SYNJ2BP: variants seen among roughly 807,000 people sequenced by gnomAD.
The protein encoded by SYNJ2BP is synaptojanin 2 binding protein.
A neutral mutation model predicts 16.9 loss-of-function variants in SYNJ2BP; 10 were observed. The observed-to-expected ratio is 0.59, with a 90% confidence interval of 0.36 to 1.00. The LOEUF is 1.00. Among genes scored for constraint, SYNJ2BP ranks in the 50% least tolerant of loss-of-function variants. SYNJ2BP has a pLI of 0.01. For missense variants in SYNJ2BP, 162 were observed against 186.7 expected (o/e 0.87, Z 0.77); for synonymous variants, 54 against 68.4 (o/e 0.79, Z 1.04).
At chr14:70,384,489 CA>C (rs148519921) in intron 2 of SYNJ2BP, among the ~76,000 whole-genome samples, 132,545 of 151,830 alleles carry the variant, frequency 0.87, 57,914 homozygotes, top group East Asian at 0.93. Flanking sequence ...AATACGATGT[CA>C]CGGGTAAGTG....
intron 1 of SYNJ2BP, among the ~76,000 whole-genome samples, chr14:70,400,922 T>G (rs116648811): frequency 6.6e-6 from 1 of 152,210 alleles, no homozygotes; most frequent in African/African-American, 2.4e-5. Flanking sequence ...AGCAGGCAAG[T>G]TGAAGAATTT....
At chr14:70,407,583 T>C (rs1018368460) in intron 1 of SYNJ2BP, among the ~76,000 whole-genome samples, 1 of 152,164 alleles carries the variant, frequency 6.6e-6, no homozygotes, top group African/African-American at 2.4e-5. Flanking sequence ...CTTTTTCTAC[T>C]ATTTCCTATG....
intron 2 of SYNJ2BP, among the ~76,000 whole-genome samples, chr14:70,376,977 T>G (rs116211839): frequency 0.017 from 2,567 of 152,326 alleles, 74 homozygotes; most frequent in African/African-American, 0.057. Context: ...AGTTGGTGAA[T>G]GAATCTACCA....
At chr14:70,378,571 T>C (rs1161162125) in intron 2 of SYNJ2BP, among the ~76,000 whole-genome samples, 1 of 151,840 alleles carries the variant, frequency 6.6e-6, no homozygotes, top group Non-Finnish European at 1.5e-5. Flanking sequence ...GGATTATAGG[T>C]GTGAGACATT....
chr14:70,385,804 CAT>C (rs1887847825), intron 2 of SYNJ2BP, among the ~76,000 whole-genome samples: 1 of 152,122 alleles, frequency 6.6e-6, no homozygotes, highest in Non-Finnish European at 1.5e-5. Context: ...AACAGTATAA[CAT>C]AGTGGTTTAA....
rs911011220 is a variant in SYNJ2BP at position 70,367,849 on chromosome 14, A to T, written c.*5142T>A. 1.3e-5 allele frequency: 2 copies of T among 152,112 alleles called. No homozygotes were observed. Among genetic ancestry groups the T allele is most frequent in the Non-Finnish European group, 2.9e-5 (2 of 68,020 alleles). 9.4% of individuals were successfully genotyped at this position (152,112 alleles called of 1,614,324 possible). ...CAAAATCACCTACAAATATTCCTCC[A>T]CTTTCATATGCTGAGCAATTTCAGC... On this transcript the variant is annotated 3_prime_UTR_variant, in exon 4 of 4. Transcript: ENST00000256366.
chr14:70,382,502 G>C (rs1887774202), intron 2 of SYNJ2BP, among the ~76,000 whole-genome samples: 1 of 152,198 alleles, frequency 6.6e-6, no homozygotes. Flanking sequence ...TCATAATGCA[G>C]AGTTTGATTC....
rs900441146 is a variant in SYNJ2BP, at chr14:70,370,428, C to T, written c.*2563G>A. 6.6e-6 allele frequency: 1 copy of T among 152,164 alleles called. No individual in the cohort carries two copies. The highest frequency in any genetic ancestry group is 2.4e-5 in the African/African-American group (1 of 41,452). The allele number at this position is 152,164 out of a possible 1,614,324, so 9.4% of individuals were successfully genotyped here. On this transcript the variant is annotated 3_prime_UTR_variant, in exon 4 of 4. Coordinates refer to ENST00000256366, the MANE Select transcript of SYNJ2BP (RefSeq NM_018373.3). ...TGTCCGTGTTTTTCTGTGGAACCTA[C>T]AATGAGTCCAGTTGTCTAAGTGAGT... is the stretch of plus-strand genomic sequence containing the variant.
Position 70,388,567 on chromosome 14 carries a change from T to A in SYNJ2BP, c.104A>T (p.Tyr35Phe). The A allele has an allele frequency of 6.3e-7, 1 of 1,595,042 alleles. No individual in the cohort carries two copies. The highest frequency in any genetic ancestry group is 1.1e-5 in the South Asian group (1 of 87,674). The part of the protein sequence containing the change: ...FNIVGGTDQQ[Y>F]VSNDSGIYVS... ...GTAGATGCCACTGTCGTTGGAGACA[T>A]ACTGCTGATCTGTCCCACCGACGAT... The change falls in exon 2 of 4, where the codon TAT becomes TTT. Residue 35 changes from tyrosine (Y) to phenylalanine (F), a missense_variant. Tyr to Phe is a conservative substitution (Grantham distance 22). Coordinates refer to ENST00000256366, the MANE Select transcript of SYNJ2BP (RefSeq NM_018373.3).
intron 2 of SYNJ2BP, among the ~76,000 whole-genome samples, chr14:70,379,941 A>C (rs1434731083): frequency 6.6e-6 from 1 of 152,236 alleles, no homozygotes; most frequent in Non-Finnish European, 1.5e-5. Context: ...TAACTGGGTC[A>C]CTATATTAAA....
chr14:70,384,653 TAGTG>T (rs1458700626), intron 2 of SYNJ2BP, among the ~76,000 whole-genome samples: 2 of 152,310 alleles, frequency 1.3e-5, no homozygotes, highest in Non-Finnish European at 2.9e-5. Context: ...GTTCTGGTGA[TAGTG>T]AGTGAGTTCT....
At chr14:70,394,335 G>A (rs1456927715) in intron 1 of SYNJ2BP, among the ~76,000 whole-genome samples, 1 of 152,058 alleles carries the variant, frequency 6.6e-6, no homozygotes, top group East Asian at 1.9e-4. Context: ...AAGAACCTGA[G>A]AGGAACATAC....
At chr14:70,404,580 G>A (rs1458935134) in intron 1 of SYNJ2BP, among the ~76,000 whole-genome samples, 1 of 152,060 alleles carries the variant, frequency 6.6e-6, no homozygotes, top group Non-Finnish European at 1.5e-5. Context: ...ATTATGAAAT[G>A]GTTCTATCTA....
chr14:70,397,220 C>T (rs966815602), intron 1 of SYNJ2BP, among the ~76,000 whole-genome samples: 8 of 151,914 alleles, frequency 5.3e-5, no homozygotes, highest in East Asian at 1.9e-4. Context: ...TTCCAAACAC[C>T]GTATGTTAAA....
Position 70,388,557 on chromosome 14 carries a change from G to A in SYNJ2BP, c.114C>T (p.Asn38=), listed in dbSNP as rs200628367. 3.6e-5 allele frequency: 57 copies of A among 1,598,286 alleles called. No individual in the cohort carries two copies. The Admixed American group carries it at 7.2e-4, about 20-fold the overall frequency. Residue 38 remains asparagine (N), a synonymous_variant, in exon 2 of 4, where the codon AAC becomes AAT. Transcript: ENST00000256366. ...VGGTDQQYVS[N]DSGIYVSRIK... ...TGCGGCTGACGTAGATGCCACTGTC[G>A]TTGGAGACATACTGCTGATCTGTCC...
At chr14:70,385,417 CATG>C (rs1238154815) in intron 2 of SYNJ2BP, among the ~76,000 whole-genome samples, 1 of 152,184 alleles carries the variant, frequency 6.6e-6, no homozygotes, top group African/African-American at 2.4e-5. Flanking sequence ...AGTGCGCTGG[CATG>C]ATCTCAGCTC....
intron 1 of SYNJ2BP, among the ~76,000 whole-genome samples, chr14:70,407,760 T>C (rs989413227): frequency 6.6e-6 from 1 of 152,122 alleles, no homozygotes; most frequent in Non-Finnish European, 1.5e-5. Flanking sequence ...TAAACAAAAT[T>C]TAATATTTGC....
intron 2 of SYNJ2BP, among the ~76,000 whole-genome samples, chr14:70,386,396 T>C (rs1055198362): frequency 3.9e-5 from 6 of 152,230 alleles, no homozygotes; most frequent in East Asian, 1.9e-4. Flanking sequence ...AGAGGCAGAA[T>C]AGTCAATGAG....
rs751831556 is a variant in SYNJ2BP, at chr14:70,388,589, C to A, written c.82G>T (p.Val28Phe). ...ACATACTGCTGATCTGTCCCACCGACGATGTTGAAGCCCAGCCCTGAGAAA... is the reference window on the plus strand; with the variant it reads ...ACATACTGCTGATCTGTCCCACCGAAGATGTTGAAGCCCAGCCCTGAGAAA... ...RGPSGLGFNI[V>F]GGTDQQYVSN... The change falls in exon 2 of 4, where the codon GTC (valine) becomes TTC (phenylalanine). Residue 28 changes from valine (V) to phenylalanine (F), a missense_variant. By Grantham distance (50) the Val-to-Phe change is conservative. Transcript: ENST00000256366. 1.3e-6 allele frequency: 2 copies of A among 1,535,438 alleles called. No homozygotes were observed. The highest frequency in any genetic ancestry group is 2.8e-5 in the African/African-American group (2 of 70,688).
Sources: allele counts gnomAD v4.1 joint callset (sites outside exome capture counted in the v4.1 genomes callset), GRCh38; gene constraint gnomAD v4.1.1; transcripts MANE v1.5; gene names NCBI Gene and HGNC (gene_info 2026-07-23, HGNC 2026-07-21).